The following OLAH variants were observed in gnomAD, a reference collection of about 807,000 sequenced individuals.
OLAH encodes oleoyl-ACP hydrolase.
OLAH carries 33 observed loss-of-function variants against 27.8 expected under a neutral mutation model. That is an observed-to-expected ratio of 1.19 (90% CI 0.90 to 1.59). The LOEUF (loss-of-function observed/expected upper bound fraction) is 1.59. OLAH is among the 40% of genes most tolerant of loss of function. OLAH has a pLI of 0.00. For missense variants in OLAH, 359 were observed against 310.8 expected (o/e 1.16, Z -1.17); for synonymous variants, 120 against 102.9 (o/e 1.17, Z -1.01).
At chr10:15,058,128 A>C (rs1447486615) in intron 3 of OLAH, among the ~76,000 whole-genome samples, 1 of 152,214 alleles carries the variant, frequency 6.6e-6, no homozygotes, top group Non-Finnish European at 1.5e-5. Context: ...TCCATGAGTG[A>C]GATCTGTTTC....
intron 3 of OLAH, among the ~76,000 whole-genome samples, chr10:15,050,386 G>A (rs1462836847): frequency 1.3e-5 from 2 of 151,972 alleles, no homozygotes. Context: ...TTGTGCCTCA[G>A]CCTCCGAAGT....
intron 1 of OLAH, among the ~76,000 whole-genome samples, chr10:15,045,140 AACCCAGG>A (rs1026569577): frequency 1.3e-5 from 2 of 152,198 alleles, no homozygotes; most frequent in African/African-American, 2.4e-5. Flanking sequence ...TTGAAAACAA[AACCCAGG>A]ACATTTTACT....
chr10:15,043,576 G>A (rs1843959964), upstream of OLAH, among the ~76,000 whole-genome samples: 3 of 150,808 alleles, frequency 2.0e-5, no homozygotes, highest in Admixed American at 1.3e-4. Context: ...CTGGGTTCAA[G>A]TGATTCTCCT....
upstream of OLAH, chr10:15,032,210 C>T (rs1843768548): frequency 6.6e-6 from 1 of 152,122 alleles, no homozygotes; most frequent in Non-Finnish European, 1.5e-5. Context: ...AGCCTAGCCT[C>T]CCAGACTCCA....
At chr10:15,046,133 G>T (rs1393694708) in intron 1 of OLAH, among the ~76,000 whole-genome samples, 1 of 151,928 alleles carries the variant, frequency 6.6e-6, no homozygotes, top group African/African-American at 2.4e-5. Flanking sequence ...ATCACTTGAG[G>T]TCAGGAGTTT....
chr10:15,073,070 A>G lies in OLAH; in HGVS notation c.656-17A>G, dbSNP rs781097891. On this transcript the variant is annotated splice_polypyrimidine_tract_variant and intron_variant, in intron 7 of 7. Transcript: ENST00000378228. ...GCTGTTGGTGTTGTTATTGAATACA[A>G]TCTTGTTTATTTTCAGCCTGGAAAG... is the stretch of plus-strand genomic sequence containing the variant. 2.5e-6 allele frequency: 4 copies of G among 1,610,036 alleles called. No individual in the cohort carries two copies. The highest frequency in any genetic ancestry group is 1.3e-5 in the African/African-American group (1 of 74,620).
intron 3 of OLAH, 86 bp from the exon 4 acceptor site, chr10:15,061,638 C>G: frequency 7.8e-7 from 1 of 1,281,962 alleles, no homozygotes; most frequent in Admixed American, 2.8e-5. Context: ...GAAATTTTTT[C>G]CATCAGGTAA....
At chr10:15,056,817 T>A (rs780458898) in intron 3 of OLAH, 11 of 1,470,570 alleles carry the variant, frequency 7.5e-6, no homozygotes, top group Non-Finnish European at 9.0e-6. Flanking sequence ...ATTTTATTTT[T>A]TTGTAGAGAC....
chr10:15,061,597 G>A (rs1192547355), intron 3 of OLAH, 127 bp from the exon 4 acceptor site: 2 of 805,804 alleles, frequency 2.5e-6, no homozygotes, highest in Non-Finnish European at 1.8e-6. Context: ...CTTTTACCTT[G>A]CTGGACTTAA....
At chr10:15,060,784 A>G (rs1479520200) in intron 3 of OLAH, among the ~76,000 whole-genome samples, 3 of 152,052 alleles carry the variant, frequency 2.0e-5, no homozygotes, top group Non-Finnish European at 4.4e-5. Flanking sequence ...TATGGGTCAT[A>G]CCTTCCAGCT....
chr10:15,042,176 A>G (rs554714970), upstream of OLAH, among the ~76,000 whole-genome samples: 2 of 151,660 alleles, frequency 1.3e-5, no homozygotes, highest in African/African-American at 4.8e-5. Flanking sequence ...TTTGAGACAG[A>G]GTTTTGCTCT....
At chr10:15,063,442 T>G (rs891682270) in intron 4 of OLAH, among the ~76,000 whole-genome samples, 3 of 152,218 alleles carry the variant, frequency 2.0e-5, no homozygotes, top group Non-Finnish European at 4.4e-5. Flanking sequence ...GTAGAAGTTG[T>G]TGCTATATAT....
chr10:15,049,982 G>A (rs559697097), intron 3 of OLAH, among the ~76,000 whole-genome samples: 4 of 152,264 alleles, frequency 2.6e-5, no homozygotes, highest in East Asian at 1.9e-4. Flanking sequence ...AGGAGATGAC[G>A]TTCTAATACT....
At chr10:15,059,198 G>C (rs1307788661) in intron 3 of OLAH, among the ~76,000 whole-genome samples, 2 of 115,596 alleles carry the variant, frequency 1.7e-5, no homozygotes, top group East Asian at 5.3e-4. Flanking sequence ...CCCTCCATCT[G>C]TCCATCCATC....
intron 3 of OLAH, among the ~76,000 whole-genome samples, chr10:15,061,143 A>C (rs1415039394): frequency 6.6e-6 from 1 of 151,990 alleles, no homozygotes; most frequent in African/African-American, 2.4e-5. Context: ...AATTTGCATA[A>C]ATACAAGGCT....
At chr10:15,036,657 T>C (rs541286974) in intron 1 of OLAH, among the ~76,000 whole-genome samples, 2 of 152,114 alleles carry the variant, frequency 1.3e-5, no homozygotes, top group Admixed American at 6.6e-5. Context: ...GCCTAATTTT[T>C]AAAAATTTTT....
At chr10:15,071,222 C>T (rs1376459136) in intron 6 of OLAH, among the ~76,000 whole-genome samples, 1 of 152,156 alleles carries the variant, frequency 6.6e-6, no homozygotes, top group East Asian at 1.9e-4. Flanking sequence ...CCCACCTCCT[C>T]CCTCCTGCCA....
upstream of OLAH, among the ~76,000 whole-genome samples, chr10:15,041,286 A>ATTTTT (rs920929513): frequency 2.6e-5 from 3 of 114,176 alleles, no homozygotes; most frequent in African/African-American, 2.7e-5. Context: ...TTTTATTTTT[A>ATTTTT]TTTTTTTTGA....
intron 3 of OLAH, among the ~76,000 whole-genome samples, chr10:15,053,140 A>G (rs529924240): frequency 1.1e-4 from 16 of 151,992 alleles, no homozygotes; most frequent in African/African-American, 3.4e-4. Flanking sequence ...TTCTTATTTT[A>G]TTTCAGGGAA....
Sources: gnomAD v4.1 joint callset for allele counts (sites outside exome capture counted in the v4.1 genomes callset) on GRCh38, gnomAD v4.1.1 for gene constraint, MANE v1.5 for transcripts, NCBI Gene and HGNC (gene_info 2026-07-23, HGNC 2026-07-21) for gene names.